NLRP10: variants seen among roughly 807,000 people sequenced by gnomAD.
The protein encoded by NLRP10 is NLR family pyrin domain containing 10.
In NLRP10, 7 loss-of-function variants were observed where a neutral mutation model predicts 8.2. The observed-to-expected ratio is 0.85, with a 90% confidence interval of 0.48 to 1.60. NLRP10 has a LOEUF of 1.60. Among genes scored for constraint, NLRP10 ranks in the 40% most tolerant of loss-of-function variants. The probability of loss-of-function intolerance (pLI) is 0.00; values close to 1 mark genes in which losing one functional copy is unlikely to be tolerated. For synonymous variants in NLRP10, 338 were observed against 314.0 expected (o/e 1.08, Z -0.81); for missense variants, 814 against 776.3 (o/e 1.05, Z -0.58).
rs1283021651 is a variant in NLRP10, at chr11:7,959,791, G to A, written c.1821C>T (p.Ser607=). 1 of 1,613,950 alleles carries A rather than the reference G, an allele frequency of 6.2e-7. No individual in the cohort carries two copies. Among genetic ancestry groups the A allele is most frequent in the Non-Finnish European group, 8.5e-7 (1 of 1,179,884 alleles). ...GCTCCTCCTTAGGTCCATGACTCAA[G>A]CTGCTTTTGACAGAAAATAAATTCT... ...QSQNLFSVKS[S]LSHGPKEEQK... is the part of the protein sequence containing the mutation. Residue 607 remains serine, a synonymous_variant, in exon 3 of 3, where the codon AGC becomes AGT. Transcript: ENST00000691676.
At chr11:7,964,076 C>T (rs764108068) in intron 1 of NLRP10, among the ~76,000 whole-genome samples, 2 of 152,104 alleles carry the variant, frequency 1.3e-5, no homozygotes, top group African/African-American at 4.8e-5. Context: ...TGCCCACCAC[C>T]ATGCCCAGCT....
At position 7,959,671 on chromosome 11, in the gene NLRP10, C is replaced by T. The variant is rs374414110; in HGVS notation, c.1941G>A (p.Glu647=). 7.6e-6 allele frequency: 12 copies of T among 1,576,042 alleles called. No homozygotes were observed. Among genetic ancestry groups the T allele is most frequent in the East Asian group, 6.7e-5 (3 of 44,656 alleles). ...ATATGTAAGTATTTTTTGGTGTTTC[C>T]TCTGTCCCTCTGCCTTTTCCAGTAG... is the stretch of plus-strand genomic sequence containing the variant. ...EASTGKGRGT[E]ETPKNTYI The change falls in exon 3 of 3, where the codon GAG becomes GAA. Residue 647 remains glutamate (E), a synonymous_variant. Coordinates refer to ENST00000691676, the MANE Select transcript of NLRP10 (RefSeq NM_001391958.1).
At chr11:7,963,602 T>G (rs1941770469) in intron 1 of NLRP10, 62 bp from the exon 2 acceptor site, 1 of 989,236 alleles carries the variant, frequency 1.0e-6, no homozygotes, top group East Asian at 2.5e-5. Context: ...TTCTGGGGGC[T>G]TGGCCAAGTT....
rs906006520 is a variant in NLRP10, at chr11:7,961,300, C to T, written c.312G>A (p.Glu104=). 3 of 1,583,824 alleles carry T rather than the reference C, an allele frequency of 1.9e-6. No homozygotes were observed. The highest frequency in any genetic ancestry group is 1.4e-5 in the African/African-American group (1 of 73,684). ...CLHDYREVYR[E]HVRCLEEWQE... Reference sequence around the variant, plus strand: ...GCCATTCCTCTAGGCAGCGCACATGCTCTCGGTATACTTCTCTGTAATCTG... The same window carrying T: ...GCCATTCCTCTAGGCAGCGCACATGTTCTCGGTATACTTCTCTGTAATCTG... The change falls in exon 3 of 3, where the codon GAG becomes GAA. Residue 104 remains glutamate (E), a synonymous_variant. Coordinates refer to ENST00000691676, the MANE Select transcript of NLRP10 (RefSeq NM_001391958.1).
In NLRP10 at chr11:7,960,975, G is replaced by A; in HGVS notation, c.637C>T (p.Leu213=). 6.2e-7 allele frequency: 1 copy of A among 1,614,182 alleles called. No homozygotes were observed. The highest frequency in any genetic ancestry group is 8.5e-7 in the Non-Finnish European group (1 of 1,180,028). Residue 213 remains leucine (L), a synonymous_variant, in exon 3 of 3, where the codon CTG becomes TTG. Coordinates refer to ENST00000691676, the MANE Select transcript of NLRP10 (RefSeq NM_001391958.1). ...TGCTCCAGTTTGCTCTCCAGCAGCAGGACCACTTCTTTGCAGCTTACATAA... is the reference window on the plus strand; with the variant it reads ...TGCTCCAGTTTGCTCTCCAGCAGCAAGACCACTTCTTTGCAGCTTACATAA... ...VFYVSCKEVV[L]LLESKLEQLL...
Position 7,961,137 on chromosome 11 carries a change from CT to C in NLRP10, c.474del (p.Glu160LysfsTer9). ...GATGGGGCCAGTGAGGGCTTTTCCC[CT>C]GAATCAAATAGAGCCTCCACCGTGA... is the stretch of plus-strand genomic sequence containing the variant. ...ESVTVEALFD[S>X]GEKPSLAPSL... is the part of the protein sequence containing the mutation. On this transcript the variant is annotated frameshift_variant, in exon 3 of 3. Coordinates refer to ENST00000691676, the MANE Select transcript of NLRP10 (RefSeq NM_001391958.1). LOFTEE classifies it low-confidence loss of function (END_TRUNC). The C allele has an allele frequency of 1.2e-6, 2 of 1,614,046 alleles. No homozygotes were observed. Among genetic ancestry groups the C allele is most frequent in the Non-Finnish European group, 1.7e-6 (2 of 1,180,000 alleles).
intron 2 of NLRP10, among the ~76,000 whole-genome samples, chr11:7,961,638 T>C (rs544367960): frequency 6.6e-6 from 1 of 152,284 alleles, no homozygotes; most frequent in East Asian, 1.9e-4. Context: ...GTCATGTCAG[T>C]GTGCATCAGC....
At chr11:7,961,519 G>A (rs1239268032) in intron 2 of NLRP10, among the ~76,000 whole-genome samples, 197 bp from the exon 3 acceptor site, 4 of 152,150 alleles carry the variant, frequency 2.6e-5, no homozygotes, top group Non-Finnish European at 5.9e-5. Flanking sequence ...GTATGCATAT[G>A]CACATCTGTA....
rs752371931 is a variant in NLRP10, at chr11:7,958,158, C to T, written c.*1486G>A. On this transcript the variant is annotated 3_prime_UTR_variant, in exon 3 of 3. Transcript: ENST00000691676. ...GGTTGCTTCCAAATTTGGGCAATTACGAATAAAGCTGCTATAAATATTCAT... is the reference window on the plus strand; with the variant it reads ...GGTTGCTTCCAAATTTGGGCAATTATGAATAAAGCTGCTATAAATATTCAT... Among the ~76,000 whole-genome samples, 9 of 152,134 alleles carry T rather than the reference C, an allele frequency of 5.9e-5. No individual in the cohort carries two copies. Among genetic ancestry groups the T allele is most frequent in the African/African-American group, 1.9e-4 (8 of 41,408 alleles).
rs763720010 is a variant in NLRP10, at chr11:7,961,356, A to C, written c.290-34T>G. 7 of 1,445,844 alleles carry C rather than the reference A, an allele frequency of 4.8e-6. No individual in the cohort carries two copies. In the East Asian group the frequency reaches 1.4e-4, roughly 28 times the overall value. The allele number at this position is 1,445,844 out of a possible 1,614,324, so 89.6% of individuals were successfully genotyped here. A position where few individuals can be genotyped will look rare whatever the true frequency, so the allele number is the denominator to read the frequency against. On this transcript the variant is annotated intron_variant, in intron 2 of 2. Coordinates refer to ENST00000691676, the MANE Select transcript of NLRP10 (RefSeq NM_001391958.1). Reference sequence around the variant, plus strand: ...AACAAATGGGATGTTAGGTAGTGAAATGGGAATTTTAGAAGGCAAAATGGC... The same window carrying C: ...AACAAATGGGATGTTAGGTAGTGAACTGGGAATTTTAGAAGGCAAAATGGC...
intron 2 of NLRP10, among the ~76,000 whole-genome samples, chr11:7,962,693 A>G (rs1453868456): frequency 2.0e-5 from 3 of 152,108 alleles, no homozygotes; most frequent in African/African-American, 7.2e-5. Context: ...AAAGGCACCA[A>G]AAGATCCCTC....
chr11:7,963,711 C>T, intron 1 of NLRP10, 171 bp from the exon 2 acceptor site: 1 of 575,474 alleles, frequency 1.7e-6, no homozygotes, highest in Non-Finnish European at 3.1e-6. Flanking sequence ...TTCCCCTCTG[C>T]CTCTTAGTCA....
chr11:7,961,231 C>A lies in NLRP10; in HGVS notation c.381G>T (p.Val127=). Residue 127 remains valine (V), a synonymous_variant, in exon 3 of 3, where the codon GTG becomes GTT. Transcript: ENST00000691676. ...VNGRYNQVLL[V]AKPSSESPES... is the part of the protein sequence containing the mutation. ...CTGGGCTCTCTGAGCTGGGCTTGGC[C>A]ACCAGGAGCACCTGGTTGTATCTGC... 1 of 1,613,340 alleles carries A rather than the reference C, an allele frequency of 6.2e-7. No individual in the cohort carries two copies. The highest frequency in any genetic ancestry group is 8.5e-7 in the Non-Finnish European group (1 of 1,179,588).
At position 7,960,606 on chromosome 11, in the gene NLRP10, G is replaced by C. The variant is rs534455428; in HGVS notation, c.1006C>G (p.Arg336Gly). The change falls in exon 3 of 3, where the codon CGT becomes GGT. Residue 336 changes from arginine to glycine, a missense_variant. Coordinates refer to ENST00000691676, the MANE Select transcript of NLRP10 (RefSeq NM_001391958.1). ...SYFTDEKQADRAFDIVQKNDI... is the reference protein window; with the variant it reads ...SYFTDEKQADGAFDIVQKNDI... ...TTTTTCTGTACAATGTCGAAGGCAC[G>C]GTCAGCTTGCTTCTCATCCGTGAAA... The C allele has an allele frequency of 5.6e-6, 9 of 1,614,020 alleles. No homozygotes were observed. The highest frequency in any genetic ancestry group is 6.8e-6 in the Non-Finnish European group (8 of 1,180,024).
chr11:7,961,260 T>G lies in NLRP10; in HGVS notation c.352A>C (p.Asn118His). ...CLEEWQEAGV[N>H]GRYNQVLLVA... is the part of the protein sequence containing the mutation. ...AGGAGCACCTGGTTGTATCTGCCAT[T>G]GACTCCTGCTTCCTGCCATTCCTCT... The change falls in exon 3 of 3, where the codon AAT becomes CAT. Residue 118 changes from asparagine (N) to histidine (H), a missense_variant. Physicochemically the swap from Asn to His is moderately conservative, Grantham distance 68. Coordinates refer to ENST00000691676, the MANE Select transcript of NLRP10 (RefSeq NM_001391958.1). 6.2e-7 allele frequency: 1 copy of G among 1,610,820 alleles called. No individual in the cohort carries two copies. Among genetic ancestry groups the G allele is most frequent in the Non-Finnish European group, 8.5e-7 (1 of 1,177,932 alleles).
Position 7,960,351 on chromosome 11 carries a change from T to A in NLRP10, c.1261A>T (p.Ile421Phe). ...RSLCSLAAEG[I>F]QHQRFLFEEA... ...TCAAATAGGAACCTCTGGTGCTGAA[T>A]CCCTTCAGCTGCTAGGGAGCACAGA... The change falls in exon 3 of 3, where the codon ATT (isoleucine) becomes TTT (phenylalanine). Residue 421 changes from isoleucine to phenylalanine, a missense_variant. By Grantham distance (21) the Ile-to-Phe change is conservative. Coordinates refer to ENST00000691676, the MANE Select transcript of NLRP10 (RefSeq NM_001391958.1). 1 of 1,613,916 alleles carries A rather than the reference T, an allele frequency of 6.2e-7. No individual in the cohort carries two copies.
rs10684087 is a variant in NLRP10 at position 7,963,796 on chromosome 11, C to CTCT, written c.-45-257_-45-256insAGA. 2.3e-3 allele frequency: 1,033 copies of CTCT among 452,670 alleles called. 11 individuals carry two copies. The highest frequency in any genetic ancestry group is 8.3e-3 in the Middle Eastern group (15 of 1,802). 28.0% of individuals were successfully genotyped at this position (452,670 alleles called of 1,614,324 possible). A position where few individuals can be genotyped will look rare whatever the true frequency, so the allele number is the denominator to read the frequency against. ...TTAATCTCTCAATCTCTCTCTCTCTCCCCCAAACTCTATCTCTGTCTCTCT... is the reference window on the plus strand; with the variant it reads ...TTAATCTCTCAATCTCTCTCTCTCTCTCTCCCCAAACTCTATCTCTGTCTCTCT... On this transcript the variant is annotated intron_variant, in intron 1 of 2. Coordinates refer to ENST00000691676, the MANE Select transcript of NLRP10 (RefSeq NM_001391958.1).
Position 7,960,140 on chromosome 11 carries a change from G to T in NLRP10, c.1472C>A (p.Ser491Tyr), listed in dbSNP as rs767658355. 9.9e-6 allele frequency: 16 copies of T among 1,613,960 alleles called. No individual in the cohort carries two copies. In the South Asian group the frequency reaches 1.8e-4, roughly 18 times the overall value. ...KEDQSRLGKE[S>Y]RREVQRLLEV... Reference sequence around the variant, plus strand: ...CAGCAGCCTTTGCACTTCTCTGCGGGACTCCTTCCCCAGCCGGCTTTGGTC... The same window carrying T: ...CAGCAGCCTTTGCACTTCTCTGCGGTACTCCTTCCCCAGCCGGCTTTGGTC... The change falls in exon 3 of 3, where the codon TCC becomes TAC. Residue 491 changes from serine (S) to tyrosine (Y), a missense_variant. Transcript: ENST00000691676.
At chr11:7,962,381 G>A (rs1050636554) in intron 2 of NLRP10, among the ~76,000 whole-genome samples, 50 of 151,840 alleles carry the variant, frequency 3.3e-4, no homozygotes, top group Middle Eastern at 3.4e-3. Context: ...GACCACAGGC[G>A]CACGCCACCA....
Sources: allele counts gnomAD v4.1 joint callset (sites outside exome capture counted in the v4.1 genomes callset), GRCh38; gene constraint gnomAD v4.1.1; transcripts MANE v1.5; gene names NCBI Gene and HGNC (gene_info 2026-07-23, HGNC 2026-07-21).